The following ZDHHC11 variants were observed in gnomAD, a reference collection of about 807,000 sequenced individuals.
ZDHHC11 encodes palmitoyltransferase ZDHHC11.
Under a neutral mutation model 51.3 loss-of-function variants are expected in ZDHHC11, and 44 were observed. The ratio of observed to expected loss-of-function variants is 0.86; its 90% CI spans 0.67 to 1.10. The LOEUF (loss-of-function observed/expected upper bound fraction) is 1.10. Ranked by LOEUF, ZDHHC11 falls within the 50% of genes least tolerant of loss-of-function variation. The probability of loss-of-function intolerance (pLI) is 0.00; values close to 1 mark genes in which losing one functional copy is unlikely to be tolerated. For missense variants in ZDHHC11, 400 were observed against 537.7 expected, an observed-to-expected ratio of 0.74 and a Z score of 2.53; for synonymous variants, 163 against 222.0, an observed-to-expected ratio of 0.73 and a Z score of 2.36.
chr5:858,487 G>A (rs1748599406), intron 1 of ZDHHC11, among the ~76,000 whole-genome samples: 2 of 152,150 alleles, frequency 1.3e-5, no homozygotes, highest in South Asian at 4.2e-4. Context: ...CCACAGGTCT[G>A]TCCTCTTCAT....
At chr5:802,157 T>G (rs1341219214) in intron 11 of ZDHHC11, among the ~76,000 whole-genome samples, 1 of 151,118 alleles carries the variant, frequency 6.6e-6, no homozygotes, top group African/African-American at 2.4e-5. Flanking sequence ...CTGGGGGACT[T>G]GTAGGCTGAG....
Position 848,532 on chromosome 5 carries a change from T to C in ZDHHC11, c.351A>G (p.Lys117=). ...SQPMPLFDRS[K]HAHVIQNQFC... ...ACTGATTCTGGATCACGTGTGCATG[T>C]TTTGATCTGTCGAAGAGGGGCATGG... Residue 117 remains lysine, a synonymous_variant, in exon 2 of 13, where the codon AAA becomes AAG. Coordinates refer to ENST00000283441, the MANE Select transcript of ZDHHC11 (RefSeq NM_024786.3). 1.3e-6 allele frequency: 2 copies of C among 1,519,214 alleles called. No homozygotes were observed. Among genetic ancestry groups the C allele is most frequent in the South Asian group, 2.4e-5 (2 of 82,352 alleles). 94.1% of individuals were successfully genotyped at this position (1,519,214 alleles called of 1,614,324 possible).
chr5:812,882 A>G (rs1485955714), intron 11 of ZDHHC11, among the ~76,000 whole-genome samples: 1 of 150,486 alleles, frequency 6.6e-6, no homozygotes, highest in Non-Finnish European at 1.5e-5. Flanking sequence ...ATGAAACGTC[A>G]TGAGTGTAAT....
At chr5:857,687 T>TC (rs1301922728) in intron 1 of ZDHHC11, among the ~76,000 whole-genome samples, 2 of 145,302 alleles carry the variant, frequency 1.4e-5, no homozygotes, top group African/African-American at 2.6e-5. Context: ...TCTGTCCAGG[T>TC]CCCATCCCTG....
upstream of ZDHHC11, among the ~76,000 whole-genome samples, chr5:851,664 T>G (rs1483283287): frequency 6.6e-6 from 1 of 152,208 alleles, no homozygotes; most frequent in Non-Finnish European, 1.5e-5. Context: ...GTCCTCTAAA[T>G]GTGACACCAG....
chr5:808,841 G>T (rs1189819251), intron 11 of ZDHHC11, among the ~76,000 whole-genome samples: 2 of 146,926 alleles, frequency 1.4e-5, no homozygotes, highest in African/African-American at 2.5e-5. Flanking sequence ...GGGAGTACAG[G>T]TGCCTGCCAC....
intron 11 of ZDHHC11, among the ~76,000 whole-genome samples, chr5:814,085 T>G (rs1471397204): frequency 2.8e-5 from 4 of 143,862 alleles, no homozygotes; most frequent in African/African-American, 1.1e-4. Context: ...TATATGTTCA[T>G]TTTATGGAAA....
At chr5:857,925 T>C (rs1244984500) in intron 1 of ZDHHC11, among the ~76,000 whole-genome samples, 3 of 129,466 alleles carry the variant, frequency 2.3e-5, no homozygotes, top group Admixed American at 7.8e-5. Context: ...TCCAGGTCCC[T>C]GTCCTGTCTT....
upstream of ZDHHC11, among the ~76,000 whole-genome samples, chr5:852,932 C>T (rs1285592024): frequency 7.5e-6 from 1 of 133,374 alleles, no homozygotes; most frequent in African/African-American, 2.9e-5. Context: ...GACAGCGAGC[C>T]GAGGGGACAG....
At position 802,599 on chromosome 5, in the gene ZDHHC11, T is replaced by C. The variant is rs537353805; in HGVS notation, c.1182-1435A>G. ...GCTGGTCCTTCCACTGAAACAACCA[T>C]TGAGCTATAAAGAGCAATTGCAATG... On this transcript the variant is annotated intron_variant, in intron 11 of 12. Transcript: ENST00000283441. Among the ~76,000 whole-genome samples, 47 of 150,324 alleles carry C rather than the reference T, an allele frequency of 3.1e-4. 3 individuals carry two copies. The highest frequency in any genetic ancestry group is 2.1e-3 in the South Asian group (10 of 4,766).
In ZDHHC11 at chr5:850,615, G is replaced by C. The variant is rs1359072030; in HGVS notation, c.-13C>G. On this transcript the variant is annotated 5_prime_UTR_variant, in exon 1 of 13. Transcript: ENST00000283441. ...AGCGGGTGTCCATCTGCAGGACACA[G>C]AAGGGGAGGACCTGCGCCGTCAGAT... The C allele has an allele frequency of 3.6e-5, 58 of 1,612,226 alleles. No individual in the cohort carries two copies. Among genetic ancestry groups the C allele is most frequent in the Non-Finnish European group, 4.8e-5 (57 of 1,179,518 alleles).
At chr5:814,994 C>T (rs1391778462) in intron 10 of ZDHHC11, among the ~76,000 whole-genome samples, 199 bp from the exon 11 acceptor site, 1 of 151,430 alleles carries the variant, frequency 6.6e-6, no homozygotes, top group Non-Finnish European at 1.5e-5. Context: ...ACTATATCCT[C>T]CTCCAAATTC....
At chr5:816,378 G>C (rs1440421057) in intron 10 of ZDHHC11, 1 of 396,826 alleles carries the variant, frequency 2.5e-6, no homozygotes, top group African/African-American at 2.1e-5. Flanking sequence ...CGGGAGGGGG[G>C]CGGTAGCGCA....
chr5:807,869 C>T (rs1739489770), intron 11 of ZDHHC11, among the ~76,000 whole-genome samples: 2 of 151,082 alleles, frequency 1.3e-5, no homozygotes, highest in South Asian at 4.2e-4. Context: ...CTAAGAGGAG[C>T]TTTGCATTCC....
At chr5:848,963 G>A (rs147821051) in intron 1 of ZDHHC11, among the ~76,000 whole-genome samples, 52 of 149,036 alleles carry the variant, frequency 3.5e-4, no homozygotes, top group Non-Finnish European at 6.8e-4. Context: ...CTGCTCACCC[G>A]AGCCCAGCTC....
intron 11 of ZDHHC11, among the ~76,000 whole-genome samples, chr5:811,543 G>A (rs1198995666): frequency 8.8e-5 from 13 of 147,886 alleles, no homozygotes; most frequent in African/African-American, 2.9e-4. Context: ...CCCCCAGCAC[G>A]TTTCCGTGAA....
intron 8 of ZDHHC11, among the ~76,000 whole-genome samples, chr5:822,833 C>G (rs1422597095): frequency 6.6e-6 from 1 of 151,862 alleles, no homozygotes; most frequent in Non-Finnish European, 1.5e-5. Context: ...TGCTTTCTTG[C>G]AGCTACTCTA....
chr5:801,490 G>GC (rs1341043529), intron 11 of ZDHHC11, among the ~76,000 whole-genome samples: 1 of 151,866 alleles, frequency 6.6e-6, no homozygotes, highest in Non-Finnish European at 1.5e-5. Context: ...GAAATGTGGG[G>GC]CCCACAGGAG....
At position 808,984 on chromosome 5, in the gene ZDHHC11, T is replaced by TACACACAC. The variant is rs56961185; in HGVS notation, c.1181+5769_1181+5776dup. Among the ~76,000 whole-genome samples, 213 of 133,814 alleles carry TACACACAC rather than the reference T, an allele frequency of 1.6e-3. 1 individual carries two copies. The highest frequency in any genetic ancestry group is 5.4e-3 in the African/African-American group (191 of 35,450). The allele number at this position is 133,814 out of a possible 152,430, so 87.8% of individuals were successfully genotyped here. A position where few individuals can be genotyped will look rare whatever the true frequency, so the allele number is the denominator to read the frequency against. The stretch of plus-strand genomic sequence containing the variant: ...CATGCTCCATCTTTTGACCATCAGT[T>TACACACAC]ACACACACACACACACACACACACA... On this transcript the variant is annotated intron_variant, in intron 11 of 12. Transcript: ENST00000283441.
Sources: allele counts gnomAD v4.1 joint callset (sites outside exome capture counted in the v4.1 genomes callset), GRCh38; gene constraint gnomAD v4.1.1; transcripts MANE v1.5; gene names NCBI Gene and HGNC (gene_info 2026-07-23, HGNC 2026-07-21).